The following ADGRE2 variants were observed in gnomAD, a reference collection of about 807,000 sequenced individuals.
ADGRE2 encodes the protein adhesion G protein-coupled receptor E2, also known as CD97 antigen.
ADGRE2 carries 83 observed loss-of-function variants against 100.8 expected under a neutral mutation model. That is an observed-to-expected ratio of 0.82 (90% confidence interval 0.69 to 0.99). The LOEUF is 0.99. Among genes scored for constraint, ADGRE2 ranks in the 50% least tolerant of loss-of-function variants. The pLI, the probability that ADGRE2 is intolerant of heterozygous loss-of-function variation, is 0.00. For synonymous variants in ADGRE2, 355 were observed against 413.0 expected, an observed-to-expected ratio of 0.86 and a Z score of 1.70; for missense variants, 814 against 1,035.7, an observed-to-expected ratio of 0.79 and a Z score of 2.94.
intron 12 of ADGRE2, 130 bp from the exon 13 acceptor site, chr19:14,756,007 T>C: frequency 2.5e-6 from 2 of 797,678 alleles, no homozygotes; most frequent in Non-Finnish European, 4.1e-6. Flanking sequence ...CCTCCCACAC[T>C]TTCCTTCAAT....
chr19:14,763,309 C>T (rs895774421), intron 11 of ADGRE2, among the ~76,000 whole-genome samples: 2 of 151,966 alleles, frequency 1.3e-5, no homozygotes, highest in Admixed American at 1.3e-4. Flanking sequence ...CGTCACTGCT[C>T]TCCAGCCTGG....
chr19:14,725,524 C>CGAA, the ADGRE2 span, among the ~76,000 whole-genome samples: 2 of 152,152 alleles, frequency 1.3e-5, no homozygotes, highest in African/African-American at 4.8e-5. Flanking sequence ...GAATTCCTTC[C>CGAA]CCGTGAGCCT....
At chr19:14,763,624 CCTCCTCCT>C (rs1303385715) in intron 11 of ADGRE2, among the ~76,000 whole-genome samples, 4 of 145,904 alleles carry the variant, frequency 2.7e-5, no homozygotes, top group East Asian at 2.1e-4. Flanking sequence ...CTCCTGTGCT[CCTCCTCCT>C]CTCCTCCTCT....
At position 14,751,564 on chromosome 19, in the gene ADGRE2, C is replaced by T. The variant is rs753481314; in HGVS notation, c.1896G>A (p.Thr632=). The T allele has an allele frequency of 2.3e-5, 37 of 1,613,882 alleles. No homozygotes were observed. Among genetic ancestry groups the T allele is most frequent in the South Asian group, 6.6e-5 (6 of 91,076 alleles). Residue 632 remains threonine (T), a synonymous_variant, in exon 16 of 21, where the codon ACG becomes ACA. Coordinates refer to ENST00000315576, the MANE Select transcript of ADGRE2 (RefSeq NM_013447.4). ...TGTTGATGCTTGAGTAGTTGACCAC[C>T]GTCAGGTTCCGTGCAGTGAGGAAGA... is the stretch of plus-strand genomic sequence containing the variant. The part of the protein sequence containing the change: ...LYLFLTARNL[T]VVNYSSINRF...
intron 18 of ADGRE2, among the ~76,000 whole-genome samples, chr19:14,744,749 C>G (rs2043035642): frequency 6.6e-6 from 1 of 152,148 alleles, no homozygotes; most frequent in Non-Finnish European, 1.5e-5. Context: ...GCCACCATGC[C>G]TGGCCCCCGT....
At chr19:14,771,534 C>G (rs11878443) in intron 5 of ADGRE2, among the ~76,000 whole-genome samples, 7 of 152,202 alleles carry the variant, frequency 4.6e-5, no homozygotes, top group African/African-American at 1.7e-4. Context: ...CAGGCTGTGT[C>G]GAAATAGATT....
chr19:14,749,178 A>G (rs1270217719), intron 16 of ADGRE2, among the ~76,000 whole-genome samples: 1 of 60,290 alleles, frequency 1.7e-5, no homozygotes, highest in African/African-American at 1.4e-4. Context: ...ATATAACCAT[A>G]TAATTATATA....
chr19:14,766,244 C>G lies in ADGRE2; in HGVS notation c.625G>C (p.Val209Leu), dbSNP rs770972052. 6.2e-7 allele frequency: 1 copy of G among 1,614,094 alleles called. No homozygotes were observed. The highest frequency in any genetic ancestry group is 8.5e-7 in the Non-Finnish European group (1 of 1,180,008). The change falls in exon 7 of 21, where the codon GTC becomes CTC. Residue 209 changes from valine (V) to leucine (L), a missense_variant. By Grantham distance (32) the Val-to-Leu change is conservative. Transcript: ENST00000315576. Reference sequence around the variant, plus strand: ...GATCTGAGCTCTCGACCTTCACAGACGGTATTGTTTGGGCCATTGGGGGAC... The same window carrying G: ...GATCTGAGCTCTCGACCTTCACAGAGGGTATTGTTTGGGCCATTGGGGGAC... ...PGSPNGPNNT[V>L]CEDVDECSSG...
chr19:14,739,961 C>CGTG (rs1379054105), intron 20 of ADGRE2, among the ~76,000 whole-genome samples: 2 of 151,900 alleles, frequency 1.3e-5, no homozygotes, highest in Non-Finnish European at 2.9e-5. Flanking sequence ...ATTAGCCAGG[C>CGTG]GTGGTGGCGG....
At chr19:14,753,489 T>C (rs753785289) in intron 14 of ADGRE2, among the ~76,000 whole-genome samples, 4 of 151,944 alleles carry the variant, frequency 2.6e-5, no homozygotes, top group African/African-American at 9.7e-5. Flanking sequence ...CTACTCTAAG[T>C]GATGAGATAA....
chr19:14,747,966 G>A (rs935699390), intron 16 of ADGRE2, among the ~76,000 whole-genome samples: 2 of 152,084 alleles, frequency 1.3e-5, no homozygotes, highest in Middle Eastern at 3.2e-3. Flanking sequence ...GAGCATTCAT[G>A]TACAACATTT....
intron 20 of ADGRE2, among the ~76,000 whole-genome samples, chr19:14,740,623 A>G (rs1175886670): frequency 1.2e-4 from 2 of 16,398 alleles, no homozygotes; most frequent in Non-Finnish European, 2.4e-4. Context: ...CTCCGTCTCA[A>G]AAAAAAAAAA....
rs535145212 is a variant in ADGRE2, at chr19:14,735,654, T to C, written c.*582A>G. On this transcript the variant is annotated 3_prime_UTR_variant, in exon 21 of 21. Transcript: ENST00000315576. ...TAGGAATTTCGGCTTCTGAGTCAAC[T>C]CTAGCTGCAAGAGCCACTTCATTTT... is the stretch of plus-strand genomic sequence containing the variant. 6.6e-6 allele frequency: 1 copy of C among 152,356 alleles called. No individual in the cohort carries two copies. Among genetic ancestry groups the C allele is most frequent in the Admixed American group, 6.5e-5 (1 of 15,306 alleles). The allele number at this position is 152,356 out of a possible 1,614,324, so 9.4% of individuals were successfully genotyped here.
intron 18 of ADGRE2, among the ~76,000 whole-genome samples, chr19:14,744,119 C>T (rs1035697264): frequency 1.3e-5 from 2 of 151,780 alleles, no homozygotes; most frequent in African/African-American, 4.8e-5. Context: ...GGGGGGGCGC[C>T]TGTAATCCCA....
chr19:14,739,768 T>A (rs1236207042), intron 20 of ADGRE2, among the ~76,000 whole-genome samples: 1 of 152,114 alleles, frequency 6.6e-6, no homozygotes, highest in Non-Finnish European at 1.5e-5. Flanking sequence ...AATGTAATCA[T>A]CAAGGTCTTT....
At position 14,765,392 on chromosome 19, in the gene ADGRE2, A is replaced by C. The variant is rs1395041344; in HGVS notation, c.834T>G (p.Leu278=). Residue 278 remains leucine, a synonymous_variant, in exon 10 of 21, where the codon CTT becomes CTG. Transcript: ENST00000315576. ...CCTGGACTTTGTCGAAGAATCGGGAAAGCGTCTGCAGAGAGAGGAGATGTG... is the reference window on the plus strand; with the variant it reads ...CCTGGACTTTGTCGAAGAATCGGGACAGCGTCTGCAGAGAGAGGAGATGTG... ...TPPPGVHSQT[L]SRFFDKVQDL... is the part of the protein sequence containing the mutation. 6.2e-7 allele frequency: 1 copy of C among 1,614,032 alleles called. No homozygotes were observed. The highest frequency in any genetic ancestry group is 1.3e-5 in the African/African-American group (1 of 74,938).
chr19:14,726,294 G>A, the ADGRE2 span, among the ~76,000 whole-genome samples: 6 of 152,150 alleles, frequency 3.9e-5, no homozygotes, highest in East Asian at 9.6e-4. Flanking sequence ...TTTCTCCTAG[G>A]CTTCTGGGTT....
chr19:14,772,143 G>T (rs958007210), intron 5 of ADGRE2, 199 bp downstream of exon 5: 6 of 675,384 alleles, frequency 8.9e-6, no homozygotes, highest in South Asian at 2.0e-5. Flanking sequence ...CCAGGTAGCT[G>T]GTCCCAGAGT....
intron 11 of ADGRE2, among the ~76,000 whole-genome samples, chr19:14,763,217 C>T (rs1039218465): frequency 1.1e-4 from 17 of 152,036 alleles, no homozygotes; most frequent in African/African-American, 4.1e-4. Context: ...GTGGCGGGCA[C>T]CTGTAGTCCC....
Sources: gnomAD v4.1 joint callset for allele counts (sites outside exome capture counted in the v4.1 genomes callset) on GRCh38, gnomAD v4.1.1 for gene constraint, MANE v1.5 for transcripts, NCBI Gene and HGNC (gene_info 2026-07-23, HGNC 2026-07-21) for gene names.